Variants in PLEKHA5 observed in about 807,000 individuals in gnomAD.
PLEKHA5 encodes pleckstrin homology domain-containing family A member 5.
A neutral mutation model predicts 181.9 loss-of-function variants in PLEKHA5; 55 were observed. The ratio of observed to expected loss-of-function variants is 0.30; its 90% CI spans 0.24 to 0.38. PLEKHA5 has a LOEUF of 0.38. Among genes scored for constraint, PLEKHA5 ranks in the 10% least tolerant of loss-of-function variants. The pLI is 1.00. For missense variants in PLEKHA5, 1,432 were observed against 1,549.5 expected (o/e 0.92, Z 1.27); for synonymous variants, 535 against 529.4 (o/e 1.01, Z -0.15).
At chr12:19,179,451 GT>G (rs2048045180) in intron 3 of PLEKHA5, among the ~76,000 whole-genome samples, 1 of 152,188 alleles carries the variant, frequency 6.6e-6, no homozygotes, top group South Asian at 2.1e-4. Context: ...GAGGTCAGGA[GT>G]TTGAGACCAG....
intron 20 of PLEKHA5, among the ~76,000 whole-genome samples, chr12:19,334,827 AAAATAT>A (rs1183273929): frequency 6.0e-4 from 10 of 16,574 alleles, no homozygotes; most frequent in East Asian, 5.8e-3. Flanking sequence ...ACAAAAAAAA[AAAATAT>A]ATATATATAT....
chr12:19,369,636 T>C (rs1386370286), intron 30 of PLEKHA5, 57 bp from the exon 31 acceptor site: 1 of 1,036,558 alleles, frequency 9.6e-7, no homozygotes, highest in Admixed American at 2.1e-5. Flanking sequence ...CAGGATTTAC[T>C]TCTCCAAATG....
intron 15 of PLEKHA5, among the ~76,000 whole-genome samples, chr12:19,305,817 G>A (rs1413288515): frequency 1.8e-5 from 2 of 113,050 alleles, no homozygotes; most frequent in African/African-American, 6.8e-5. Flanking sequence ...CCAAGATTGC[G>A]CCATTGCCCT....
intron 3 of PLEKHA5, among the ~76,000 whole-genome samples, chr12:19,210,558 G>A (rs943340438): frequency 1.3e-5 from 2 of 152,132 alleles, no homozygotes; most frequent in Admixed American, 6.6e-5. Flanking sequence ...TTCCAGATGA[G>A]CTATGATTTT....
intron 3 of PLEKHA5, among the ~76,000 whole-genome samples, chr12:19,241,431 C>A (rs1252344340): frequency 1.3e-5 from 2 of 152,290 alleles, no homozygotes; most frequent in East Asian, 3.9e-4. Context: ...ACGATAAATA[C>A]ATACTGTCTT....
chr12:19,219,099 A>G (rs1311210482), intron 3 of PLEKHA5, among the ~76,000 whole-genome samples: 1 of 152,028 alleles, frequency 6.6e-6, no homozygotes, highest in Non-Finnish European at 1.5e-5. Flanking sequence ...TTTTTTTCTA[A>G]CCAAAAGAGG....
intron 10 of PLEKHA5, among the ~76,000 whole-genome samples, chr12:19,272,009 A>G (rs6486946): frequency 0.86 from 131,202 of 152,188 alleles, 58,051 homozygotes; most frequent in Middle Eastern, 0.98. Context: ...ATTTTGCTGT[A>G]TGGCTCAAAT....
At position 19,283,346 on chromosome 12, in the gene PLEKHA5, C is replaced by T. The variant is rs80270593; in HGVS notation, c.1380C>T (p.Tyr460=). ...ACAGAGCCCAGATTATGGCCCGCTA[C>T]CCTGAAGGTTATAGAACACTCCCAA... The part of the protein sequence containing the change: ...PSHRAQIMAR[Y]PEGYRTLPRN... The change falls in exon 12 of 32, where the codon TAC becomes TAT. Residue 460 remains tyrosine (Y), a synonymous_variant. Coordinates refer to ENST00000429027, the MANE Select transcript of PLEKHA5 (RefSeq NM_001256470.2). The T allele has an allele frequency of 1.8e-4, 295 of 1,613,740 alleles. 2 individuals are homozygous for T. In the East Asian group the frequency reaches 6.3e-3, roughly 34 times the overall value.
At chr12:19,182,827 A>T (rs1014843656) in intron 3 of PLEKHA5, among the ~76,000 whole-genome samples, 73 of 152,212 alleles carry the variant, frequency 4.8e-4, no homozygotes, top group African/African-American at 1.7e-3. Context: ...ACTGAATAGG[A>T]TAAGGTTTCT....
intron 3 of PLEKHA5, among the ~76,000 whole-genome samples, chr12:19,191,002 C>A (rs1457173595): frequency 6.6e-6 from 1 of 152,184 alleles, no homozygotes; most frequent in Non-Finnish European, 1.5e-5. Context: ...ATGATGTAAA[C>A]ATATTTGGTA....
chr12:19,165,928 A>T lies in PLEKHA5; in HGVS notation c.227+33478A>T, dbSNP rs570322182. Among the ~76,000 whole-genome samples, 132 of 152,342 alleles carry T rather than the reference A, an allele frequency of 8.7e-4. 1 individual carries two copies. Among genetic ancestry groups the T allele is most frequent in the Non-Finnish European group, 1.5e-3 (104 of 68,038 alleles). On this transcript the variant is annotated intron_variant, in intron 3 of 31. Transcript: ENST00000429027. ...TTCAACTTTAAGCAAAAGGACATTCAGCAAGTCCTTGAACCTTGTTTTCCT... is the reference window on the plus strand; with the variant it reads ...TTCAACTTTAAGCAAAAGGACATTCTGCAAGTCCTTGAACCTTGTTTTCCT...
At chr12:19,315,772 G>A (rs974510106) in intron 16 of PLEKHA5, among the ~76,000 whole-genome samples, 35 of 152,060 alleles carry the variant, frequency 2.3e-4, no homozygotes, top group African/African-American at 7.5e-4. Flanking sequence ...TAAAAAGAAC[G>A]ACTTTGAGCT....
At chr12:19,323,460 G>A (rs1592490818) in intron 20 of PLEKHA5, among the ~76,000 whole-genome samples, 1 of 151,960 alleles carries the variant, frequency 6.6e-6, no homozygotes, top group Admixed American at 6.6e-5. Flanking sequence ...CTGAGATCGC[G>A]CCATTACGTT....
At chr12:19,264,460 C>T (rs140195998) in intron 7 of PLEKHA5, among the ~76,000 whole-genome samples, 257 of 152,256 alleles carry the variant, frequency 1.7e-3, no homozygotes, top group African/African-American at 5.9e-3. Flanking sequence ...TTTACATGAA[C>T]ATAAAACATA....
intron 3 of PLEKHA5, among the ~76,000 whole-genome samples, chr12:19,172,909 TCTC>T (rs1386822009): frequency 3.3e-5 from 5 of 151,688 alleles, no homozygotes; most frequent in African/African-American, 1.2e-4. Context: ...TGGTGATCAT[TCTC>T]CTCGTGTCTC....
At chr12:19,314,352 A>G (rs1285877199) in intron 15 of PLEKHA5, among the ~76,000 whole-genome samples, 1 of 152,114 alleles carries the variant, frequency 6.6e-6, no homozygotes, top group Non-Finnish European at 1.5e-5. Context: ...CACATTCAGT[A>G]TATTATATTT....
chr12:19,250,834 AGCAT>A (rs2065085492), intron 3 of PLEKHA5, among the ~76,000 whole-genome samples: 1 of 152,152 alleles, frequency 6.6e-6, no homozygotes, highest in South Asian at 2.1e-4. Flanking sequence ...GCAAAAATAT[AGCAT>A]GTGTGTCCCT....
intron 11 of PLEKHA5, among the ~76,000 whole-genome samples, chr12:19,276,439 C>A (rs1331964056): frequency 2.0e-5 from 3 of 152,116 alleles, no homozygotes; most frequent in Non-Finnish European, 2.9e-5. Flanking sequence ...GTCTGTAATC[C>A]CAGCACTTCG....
At chr12:19,213,232 G>C (rs1244930883) in intron 3 of PLEKHA5, among the ~76,000 whole-genome samples, 1 of 152,010 alleles carries the variant, frequency 6.6e-6, no homozygotes, top group Non-Finnish European at 1.5e-5. Context: ...GGGTGTGGGT[G>C]GCTTCTCAGA....
Sources: gnomAD v4.1 joint callset for allele counts (sites outside exome capture counted in the v4.1 genomes callset) on GRCh38, gnomAD v4.1.1 for gene constraint, MANE v1.5 for transcripts, NCBI Gene and HGNC (gene_info 2026-07-23, HGNC 2026-07-21) for gene names.